MZB1: variants seen among roughly 807,000 people sequenced by gnomAD.
MZB1 encodes marginal zone B- and B1-cell-specific protein.
A neutral mutation model predicts 17.2 loss-of-function variants in MZB1; 10 were observed. The ratio of observed to expected loss-of-function variants is 0.58; its 90% confidence interval spans 0.36 to 0.98. The LOEUF (loss-of-function observed/expected upper bound fraction) is 0.98, where lower values mean the gene tolerates loss of function less well. Ranked by LOEUF, MZB1 falls within the 50% of genes least tolerant of loss-of-function variation. MZB1 has a pLI of 0.01. For synonymous variants in MZB1, 99 were observed against 98.7 expected (o/e 1.00, Z -0.02); for missense variants, 246 against 237.5 (o/e 1.04, Z -0.23).
At chr5:139,389,110 G>A (rs186549776) in intron 1 of MZB1, 7 of 231,318 alleles carry the variant, frequency 3.0e-5, no homozygotes, top group Admixed American at 1.6e-4. Context: ...GAGTTCAGGC[G>A]ATCGGCCCCG....
Position 139,388,273 on chromosome 5 carries a change from C to A in MZB1, c.303-142G>T, listed in dbSNP as rs1347553629. 2.8e-6 allele frequency: 3 copies of A among 1,061,388 alleles called. No individual in the cohort carries two copies. The African/African-American group carries it at 4.8e-5, about 17-fold the overall frequency. The allele number at this position is 1,061,388 out of a possible 1,614,324, so 65.7% of individuals were successfully genotyped here. A position where few individuals can be genotyped will look rare whatever the true frequency, so the allele number is the denominator to read the frequency against. On this transcript the variant is annotated intron_variant, in intron 2 of 3. Coordinates refer to ENST00000302125, the MANE Select transcript of MZB1 (RefSeq NM_016459.4). ...CCCTGGCCCAAGGTCACAAGGTGAC[C>A]TTGTCCACTGGCCCTCTGCTCTCCC...
At position 139,388,562 on chromosome 5, in the gene MZB1, T is replaced by G. The variant is rs533222855; in HGVS notation, c.201A>C (p.Ala67=). 1 of 1,602,192 alleles carries G rather than the reference T, an allele frequency of 6.2e-7. No individual in the cohort carries two copies. Among genetic ancestry groups the G allele is most frequent in the African/African-American group, 1.3e-5 (1 of 74,882 alleles). Reference sequence around the variant, plus strand: ...AGTTTGAGGTATGAAGTTTGGTCTCTGCCTTTGCCAGATTTTGCCACATCT... The same window carrying G: ...AGTTTGAGGTATGAAGTTTGGTCTCGGCCTTTGCCAGATTTTGCCACATCT... ...AYQMWQNLAK[A]ETKLHTSNSG... The change falls in exon 2 of 4, where the codon GCA becomes GCC. Residue 67 remains alanine, a synonymous_variant. Transcript: ENST00000302125.
At position 139,387,582 on chromosome 5, in the gene MZB1, TTTA is replaced by T. The variant is rs138375037; in HGVS notation, c.*180_*182del. Reference sequence around the variant, plus strand: ...GAGAAAAGAAGTGAGGTCACTGGGTTTTATTTGAGTCCAGAGGGGAAGGCGTTG... The same window carrying T: ...GAGAAAAGAAGTGAGGTCACTGGGTTTTTGAGTCCAGAGGGGAAGGCGTTG... On this transcript the variant is annotated 3_prime_UTR_variant, in exon 4 of 4. Transcript: ENST00000302125. 703 of 542,072 alleles carry T rather than the reference TTTA, an allele frequency of 1.3e-3. 12 individuals carry two copies. In the East Asian group the frequency reaches 0.024, roughly 19 times the overall value. The allele number at this position is 542,072 out of a possible 1,614,324, so 33.6% of individuals were successfully genotyped here.
intron 2 of MZB1, 116 bp downstream of exon 2, chr5:139,388,345 C>T: frequency 7.9e-7 from 1 of 1,258,360 alleles, no homozygotes; most frequent in South Asian, 1.5e-5. Context: ...GCCAGCCCCT[C>T]CCTTGGACCA....
chr5:139,387,665 C>A lies in MZB1; in HGVS notation c.*100G>T. The A allele has an allele frequency of 2.1e-6, 3 of 1,406,456 alleles. No homozygotes were observed. In the African/African-American group the frequency reaches 4.4e-5, roughly 21 times the overall value. 87.1% of individuals were successfully genotyped at this position (1,406,456 alleles called of 1,614,324 possible). A position where few individuals can be genotyped will look rare whatever the true frequency, so the allele number is the denominator to read the frequency against. ...CTGGAGGAGGGAGGCAGGATGGCAG[C>A]ACAGAGCAAGGGCTTCCTGCCCTCC... is the stretch of plus-strand genomic sequence containing the variant. On this transcript the variant is annotated 3_prime_UTR_variant, in exon 4 of 4. Coordinates refer to ENST00000302125, the MANE Select transcript of MZB1 (RefSeq NM_016459.4).
chr5:139,389,562 T>G (rs903347582), intron 1 of MZB1, 118 bp downstream of exon 1: 1 of 1,230,978 alleles, frequency 8.1e-7, no homozygotes, highest in Non-Finnish European at 1.1e-6. Context: ...ATCTGTGGCT[T>G]GATGCCCAGT....
At chr5:139,389,293 G>A (rs978190488) in intron 1 of MZB1, 3 of 427,420 alleles carry the variant, frequency 7.0e-6, no homozygotes, top group Non-Finnish European at 1.4e-5. Context: ...TGCTCAGCAG[G>A]TGTGTGTGTG....
At chr5:139,388,360 C>T in intron 2 of MZB1, 101 bp downstream of exon 2, 2 of 1,336,446 alleles carry the variant, frequency 1.5e-6, no homozygotes, top group African/African-American at 1.5e-5. Context: ...GGACCAGAGT[C>T]CTAGAGGAGT....
At chr5:139,389,529 G>C in intron 1 of MZB1, 151 bp downstream of exon 1, 1 of 970,724 alleles carries the variant, frequency 1.0e-6, no homozygotes, top group South Asian at 1.4e-5. Context: ...GTAAACTGAG[G>C]CATGGAATAT....
Position 139,388,604 on chromosome 5 carries a change from G to A in MZB1, c.178-19C>T. On this transcript the variant is annotated intron_variant, in intron 1 of 3. Transcript: ENST00000302125. ...GCCACATCTGGAACAAGGAGGGACT[G>A]GGAGGCAGGGCCTCAGGACTGCTGC... 6.2e-7 allele frequency: 1 copy of A among 1,602,076 alleles called. No individual in the cohort carries two copies. Among genetic ancestry groups the A allele is most frequent in the Non-Finnish European group, 8.5e-7 (1 of 1,174,312 alleles).
In MZB1 at chr5:139,389,910, G is replaced by A; in HGVS notation, c.-54C>T. On this transcript the variant is annotated 5_prime_UTR_variant, in exon 1 of 4. Coordinates refer to ENST00000302125, the MANE Select transcript of MZB1 (RefSeq NM_016459.4). ...GTCTGTGGTTGAGGTGCAGATGTGTGTGTGCTTGTGTGGTGTGGGGACCGC... is the reference window on the plus strand; with the variant it reads ...GTCTGTGGTTGAGGTGCAGATGTGTATGTGCTTGTGTGGTGTGGGGACCGC... 1.3e-6 allele frequency: 2 copies of A among 1,510,632 alleles called. No homozygotes were observed. Among genetic ancestry groups the A allele is most frequent in the Admixed American group, 4.0e-5 (2 of 49,780 alleles). 93.6% of individuals were successfully genotyped at this position (1,510,632 alleles called of 1,614,324 possible).
chr5:139,388,101 T>C lies in MZB1; in HGVS notation c.333A>G (p.Lys111=). 6.4e-7 allele frequency: 1 copy of C among 1,551,716 alleles called. No homozygotes were observed. The highest frequency in any genetic ancestry group is 8.7e-7 in the Non-Finnish European group (1 of 1,147,456). ...CGCTAAGTCCTGGGCCTGTGAGACG[T>C]TTCACTTGGTCCACTTCTCGAACTC... The part of the protein sequence containing the change: ...DYGVREVDQV[K]RLTGPGLSEG... The change falls in exon 3 of 4, where the codon AAA becomes AAG. Residue 111 remains lysine (K), a synonymous_variant. Coordinates refer to ENST00000302125, the MANE Select transcript of MZB1 (RefSeq NM_016459.4).
intron 1 of MZB1, 143 bp from the exon 2 acceptor site, chr5:139,388,728 A>C: frequency 2.9e-6 from 4 of 1,357,298 alleles, no homozygotes; most frequent in Non-Finnish European, 3.9e-6. Context: ...AGGCTGTTGC[A>C]TGGCCCCTCC....
chr5:139,388,041 T>C lies in MZB1; in HGVS notation c.393A>G (p.Thr131=). Residue 131 remains threonine (T), a synonymous_variant, in exon 3 of 4, where the codon ACA becomes ACG. Coordinates refer to ENST00000302125, the MANE Select transcript of MZB1 (RefSeq NM_016459.4). ...ATCACCTGGTAGGCCAGGGGCCCCC[T>C]GTGACCATCACGCTGATGCTTGGCT... The part of the protein sequence containing the change: ...GPEPSISVMV[T]GGPWPTRLSR... The C allele has an allele frequency of 6.4e-7, 1 of 1,556,596 alleles. No homozygotes were observed. The highest frequency in any genetic ancestry group is 8.7e-7 in the Non-Finnish European group (1 of 1,149,856).
At chr5:139,388,763 T>G in intron 1 of MZB1, 178 bp from the exon 2 acceptor site, 1 of 1,052,550 alleles carries the variant, frequency 9.5e-7, no homozygotes, top group Admixed American at 3.0e-5. Flanking sequence ...CTCTCTGGGA[T>G]GGGGATGGGG....
In MZB1 at chr5:139,387,479, GTT is replaced by G. The variant is rs369002282; in HGVS notation, c.*284_*285del. 9.8e-4 allele frequency: 187 copies of G among 191,148 alleles called. No homozygotes were observed. The highest frequency in any genetic ancestry group is 1.4e-3 in the East Asian group (13 of 8,998). The allele number at this position is 191,148 out of a possible 1,614,324, so 11.8% of individuals were successfully genotyped here. ...CAAAAAAAAAAAATTGATTTTGAGA[GTT>G]TTTTTTTTTTTTTCACAAGGGACAT... On this transcript the variant is annotated 3_prime_UTR_variant, in exon 4 of 4. Transcript: ENST00000302125.
At chr5:139,388,153 G>C (rs1758546222) in intron 2 of MZB1, 22 bp from the exon 3 acceptor site, 2 of 1,546,246 alleles carry the variant, frequency 1.3e-6, no homozygotes, top group Admixed American at 2.0e-5. Context: ...GGAGAGGAGA[G>C]GAGTACAGTT....
Position 139,387,917 on chromosome 5 carries a change from A to G in MZB1, c.418T>C (p.Ser140Pro), listed in dbSNP as rs1581391070. The G allele has an allele frequency of 1.3e-6, 2 of 1,579,558 alleles. No individual in the cohort carries two copies. Among genetic ancestry groups the G allele is most frequent in the African/African-American group, 2.7e-5 (2 of 73,272 alleles). ...VTGGPWPTRLSRTCLHYLGEF... is the reference protein window; with the variant it reads ...VTGGPWPTRLPRTCLHYLGEF... ...CCCAAGTAGTGCAAACATGTCCTGG[A>G]GAGCCTAGGGGAGCCCAGCAGGAGC... is the stretch of plus-strand genomic sequence containing the variant. The change falls in exon 4 of 4, where the codon TCC becomes CCC. Residue 140 changes from serine to proline, a missense_variant. Ser to Pro is a moderately conservative substitution (Grantham distance 74). Transcript: ENST00000302125.
intron 1 of MZB1, chr5:139,389,466 C>T (rs1444199736): frequency 1.4e-6 from 1 of 719,932 alleles, no homozygotes; most frequent in Non-Finnish European, 2.5e-6. Flanking sequence ...TCCCTGGGGT[C>T]TCAAAATACT....
Sources: allele counts gnomAD v4.1 joint callset, GRCh38; gene constraint gnomAD v4.1.1; transcripts MANE v1.5; gene names NCBI Gene and HGNC (gene_info 2026-07-23, HGNC 2026-07-21).